The following FRMD4A variants were observed in gnomAD, a reference collection of about 807,000 sequenced individuals.
FRMD4A encodes FERM domain containing 4A.
In FRMD4A, 29 loss-of-function variants were observed where a neutral mutation model predicts 129.1. That is an observed-to-expected ratio of 0.22 (90% confidence interval 0.17 to 0.31). The LOEUF (loss-of-function observed/expected upper bound fraction) is 0.31. FRMD4A is among the 10% of genes least tolerant of loss of function. The pLI is 1.00. For missense variants in FRMD4A, 1,272 were observed against 1,375.8 expected (o/e 0.92, Z 1.19); for synonymous variants, 634 against 571.6 (o/e 1.11, Z -1.56).
At chr10:13,905,422 A>C (rs1430451142) in intron 2 of FRMD4A, among the ~76,000 whole-genome samples, 4 of 152,190 alleles carry the variant, frequency 2.6e-5, no homozygotes, top group Non-Finnish European at 4.4e-5. Flanking sequence ...TTTTTCTCAA[A>C]AGTGAAATCA....
intron 2 of FRMD4A, among the ~76,000 whole-genome samples, chr10:13,978,009 C>A (rs1010012122): frequency 6.6e-5 from 10 of 152,234 alleles, no homozygotes; most frequent in African/African-American, 2.4e-4. Flanking sequence ...GGGCACATAC[C>A]TCGGAGTGGA....
At chr10:14,318,836 A>C (rs933176741) in intron 2 of FRMD4A, among the ~76,000 whole-genome samples, 3 of 152,200 alleles carry the variant, frequency 2.0e-5, no homozygotes, top group Non-Finnish European at 4.4e-5. Context: ...GAGGCAGTCT[A>C]TATCCTCTCA....
chr10:14,115,201 C>A (rs1377960443), intron 2 of FRMD4A, among the ~76,000 whole-genome samples: 1 of 152,182 alleles, frequency 6.6e-6, no homozygotes, highest in African/African-American at 2.4e-5. Flanking sequence ...CAGCACACCT[C>A]ATTTCAGAGT....
chr10:14,320,127 G>A (rs1846917991), intron 2 of FRMD4A, among the ~76,000 whole-genome samples: 1 of 151,672 alleles, frequency 6.6e-6, no homozygotes, highest in Non-Finnish European at 1.5e-5. Context: ...CCTCTAAACT[G>A]GCCCTCTCCC....
intron 2 of FRMD4A, among the ~76,000 whole-genome samples, chr10:13,906,608 G>T (rs1002016397): frequency 2.6e-5 from 4 of 152,146 alleles, no homozygotes; most frequent in Non-Finnish European, 5.9e-5. Flanking sequence ...ATACAATACC[G>T]TCTTCTCCAC....
rs1158173988 is a variant in FRMD4A at position 14,110,927 on chromosome 10, G to A, written c.45+219131C>T. ...GGTCACTGCAGCCTTGAATTCTTGG[G>A]CTCAAGCTATCCTGCCTCAGCCTCC... On this transcript the variant is annotated intron_variant, in intron 2 of 24. Coordinates refer to ENST00000357447, the MANE Select transcript of FRMD4A (RefSeq NM_018027.5). Among the ~76,000 whole-genome samples, 3 of 152,112 alleles carry A rather than the reference G, an allele frequency of 2.0e-5. No individual in the cohort carries two copies. In the East Asian group the frequency reaches 5.8e-4, roughly 29 times the overall value.
intron 17 of FRMD4A, among the ~76,000 whole-genome samples, chr10:13,666,974 C>T (rs997033124): frequency 6.9e-6 from 1 of 144,848 alleles, no homozygotes; most frequent in Non-Finnish European, 1.5e-5. Context: ...TGCACTGGTG[C>T]AATCTCTGCT....
chr10:13,846,718 T>C (rs17154110), intron 3 of FRMD4A, among the ~76,000 whole-genome samples: 51,241 of 152,078 alleles, frequency 0.34, 8,807 homozygotes, highest in Non-Finnish European at 0.38. Flanking sequence ...TCTGATACAC[T>C]GTCTCTCGTA....
rs4335443 is a variant in FRMD4A, at chr10:13,944,803, G to A, written c.46-85891C>T. Among the ~76,000 whole-genome samples, 1,183 of 152,280 alleles carry A rather than the reference G, an allele frequency of 7.8e-3. 57 individuals are homozygous for A. The East Asian group carries it at 0.13, about 17-fold the overall frequency. Reference sequence around the variant, plus strand: ...CTTAAAAAATACATTCTAATGATACGTGCCTTCTCTGTCTGTGCACACAGT... The same window carrying A: ...CTTAAAAAATACATTCTAATGATACATGCCTTCTCTGTCTGTGCACACAGT... On this transcript the variant is annotated intron_variant, in intron 2 of 24. Coordinates refer to ENST00000357447, the MANE Select transcript of FRMD4A (RefSeq NM_018027.5).
intron 2 of FRMD4A, among the ~76,000 whole-genome samples, chr10:14,233,950 C>T (rs1379945502): frequency 2.6e-5 from 4 of 152,146 alleles, no homozygotes; most frequent in Non-Finnish European, 5.9e-5. Context: ...TCTAAATAGG[C>T]AACATTTTGC....
chr10:14,126,169 C>CTTTTT lies in FRMD4A; in HGVS notation c.45+203884_45+203888dup, dbSNP rs55649566. On this transcript the variant is annotated intron_variant, in intron 2 of 24. Coordinates refer to ENST00000357447, the MANE Select transcript of FRMD4A (RefSeq NM_018027.5). ...CTCACCCATCACAAAACCTTGCCCA[C>CTTTTT]TTTTTTTTTTTTTTTTTTTGAGATG... 1.1e-3 allele frequency among the ~76,000 whole-genome samples: 140 copies of CTTTTT among 122,364 alleles called. 9 individuals are homozygous for CTTTTT. The highest frequency in any genetic ancestry group is 2.8e-3 in the African/African-American group (90 of 32,180). 80.3% of individuals were successfully genotyped at this position (122,364 alleles called of 152,430 possible). A position where few individuals can be genotyped will look rare whatever the true frequency, so the allele number is the denominator to read the frequency against.
chr10:13,692,791 T>G (rs1381326837), intron 15 of FRMD4A: 1 of 152,224 alleles, frequency 6.6e-6, no homozygotes, highest in Non-Finnish European at 1.5e-5. Context: ...CAGGGAAGAT[T>G]TCTTGCCTTC....
At position 13,773,801 on chromosome 10, in the gene FRMD4A, T is replaced by G. The variant is rs570910762; in HGVS notation, c.384+9121A>C. 2.6e-5 allele frequency among the ~76,000 whole-genome samples: 4 copies of G among 152,334 alleles called. No individual in the cohort carries two copies. The East Asian group carries it at 7.7e-4, about 29-fold the overall frequency. On this transcript the variant is annotated intron_variant, in intron 6 of 24. Transcript: ENST00000357447. The stretch of plus-strand genomic sequence containing the variant: ...GAGCTGAGGGTCCACATTCCCTGAC[T>G]CGCTCCTGTCTCATGGGACAAGTCC...
intron 15 of FRMD4A, among the ~76,000 whole-genome samples, chr10:13,687,789 A>C (rs2085236617): frequency 1.3e-5 from 2 of 152,208 alleles, no homozygotes. Context: ...TAACAGAGGC[A>C]CTGAGCACCT....
intron 2 of FRMD4A, among the ~76,000 whole-genome samples, chr10:14,157,040 T>C (rs371712943): frequency 2.0e-5 from 3 of 151,738 alleles, no homozygotes; most frequent in Non-Finnish European, 4.4e-5. Flanking sequence ...CAGAGGAACA[T>C]GTTTTCAACT....
chr10:13,727,298 C>CT (rs2089966618), intron 12 of FRMD4A, among the ~76,000 whole-genome samples: 1 of 152,174 alleles, frequency 6.6e-6, no homozygotes, highest in Non-Finnish European at 1.5e-5. Context: ...CATGCAGCAC[C>CT]GACCAGCCTC....
chr10:13,885,674 C>A (rs541297682), intron 2 of FRMD4A, among the ~76,000 whole-genome samples: 1 of 152,312 alleles, frequency 6.6e-6, no homozygotes, highest in African/African-American at 2.4e-5. Flanking sequence ...GGCAGCCCTG[C>A]AGCCGTGGCT....
intron 2 of FRMD4A, among the ~76,000 whole-genome samples, chr10:13,983,313 G>A (rs906921067): frequency 1.3e-5 from 2 of 151,988 alleles, no homozygotes; most frequent in African/African-American, 2.4e-5. Flanking sequence ...CCCCTGAGCC[G>A]AGGCAACCGT....
chr10:13,927,062 T>C (rs1433488594), intron 2 of FRMD4A, among the ~76,000 whole-genome samples: 2 of 152,154 alleles, frequency 1.3e-5, no homozygotes, highest in African/African-American at 4.8e-5. Context: ...AAGACCAGCC[T>C]GGCCAACATG....
Sources: allele counts gnomAD v4.1 joint callset (sites outside exome capture counted in the v4.1 genomes callset), GRCh38; gene constraint gnomAD v4.1.1; transcripts MANE v1.5; gene names NCBI Gene and HGNC (gene_info 2026-07-23, HGNC 2026-07-21).